Variants in TENT5D observed in about 807,000 individuals in gnomAD.
The protein encoded by TENT5D is terminal nucleotidyltransferase 5D.
For synonymous variants in TENT5D, 103 were observed against 100.6 expected, an observed-to-expected ratio of 1.02 and a Z score of -0.15; for missense variants, 191 against 287.0, an observed-to-expected ratio of 0.67 and a Z score of 2.42.
intron 2 of TENT5D, 57 bp downstream of exon 2, chrX:80,438,789 G>A (rs1318048219): frequency 9.0e-6 from 1 of 110,522 alleles, no homozygotes; most frequent in East Asian, 2.8e-4. Flanking sequence ...TATTAATATA[G>A]ACAGGTAAAG....
At chrX:80,405,092 G>A (rs1480129279) in intron 3 of TENT5D, among the ~76,000 whole-genome samples, 1 of 112,077 alleles carries the variant, frequency 8.9e-6, no homozygotes, top group Non-Finnish European at 1.9e-5. Context: ...AACTGAAAAT[G>A]AGTTGAAGGA....
chrX:80,376,300 T>A (rs1322222149), intron 3 of TENT5D, among the ~76,000 whole-genome samples: 3 of 111,893 alleles, frequency 2.7e-5, no homozygotes, highest in African/African-American at 9.7e-5. Context: ...ATTTCTGTTT[T>A]CTATCATAAT....
intron 3 of TENT5D, among the ~76,000 whole-genome samples, chrX:80,410,870 T>G (rs1461833923): frequency 9.5e-6 from 1 of 105,623 alleles, no homozygotes; most frequent in Non-Finnish European, 1.9e-5. Context: ...ATAGACTGGA[T>G]TAAGAAAATG....
chrX:80,352,354 C>T (rs1372693941), intron 3 of TENT5D, among the ~76,000 whole-genome samples: 1 of 111,757 alleles, frequency 8.9e-6, no homozygotes, highest in African/African-American at 3.2e-5. Context: ...TTCAGAGATG[C>T]CCTGCCCAGT....
At chrX:80,442,477 T>G in intron 2 of TENT5D, 45 bp from the exon 3 acceptor site, 1 of 966,466 alleles carries the variant, frequency 1.0e-6, no homozygotes, top group Non-Finnish European at 1.4e-6. Context: ...GCATTGGTTT[T>G]AAGGTGCTAA....
At chrX:80,434,773 TTTTTTTCTTTG>T (rs1190894781) in intron 1 of TENT5D, among the ~76,000 whole-genome samples, 2 of 107,092 alleles carry the variant, frequency 1.9e-5, no homozygotes, top group East Asian at 5.9e-4. Flanking sequence ...TGAAACTTCG[TTTTTTTCTTTG>T]TTTTTTTTTT....
At chrX:80,362,891 A>G (rs1403183107) in intron 3 of TENT5D, among the ~76,000 whole-genome samples, 3 of 112,183 alleles carry the variant, frequency 2.7e-5, no homozygotes, top group Non-Finnish European at 5.6e-5. Flanking sequence ...TCAGAAAAAA[A>G]AAGTGTTTCT....
intron 3 of TENT5D, among the ~76,000 whole-genome samples, chrX:80,350,131 G>T (rs1602499875): frequency 9.0e-6 from 1 of 111,569 alleles, no homozygotes; most frequent in Middle Eastern, 4.6e-3. Flanking sequence ...CTGTTGATTT[G>T]GGGTGGAGAG....
intron 3 of TENT5D, among the ~76,000 whole-genome samples, chrX:80,373,138 CAT>C (rs1200055589): frequency 1.8e-5 from 2 of 110,730 alleles, no homozygotes; most frequent in East Asian, 2.8e-4. Flanking sequence ...AGTATCCTGT[CAT>C]GTGTATATGT....
intron 3 of TENT5D, among the ~76,000 whole-genome samples, chrX:80,392,123 A>T (rs958880541): frequency 4.5e-5 from 5 of 112,176 alleles, no homozygotes; most frequent in Non-Finnish European, 9.4e-5. Context: ...GCCTCAAATG[A>T]TAGCTAGAAT....
intron 2 of TENT5D, among the ~76,000 whole-genome samples, chrX:80,338,477 T>C (rs1929895603): frequency 8.9e-6 from 1 of 112,396 alleles, no homozygotes; most frequent in African/African-American, 3.2e-5. Context: ...TGTGGAAAAT[T>C]GTAATTCCTC....
chrX:80,356,256 G>A (rs746604039), intron 3 of TENT5D, among the ~76,000 whole-genome samples: 4 of 111,969 alleles, frequency 3.6e-5, no homozygotes, highest in Admixed American at 2.8e-4. Context: ...AAAAATGTCT[G>A]TTAAAATCAT....
At chrX:80,443,099 A>G (rs746631425) in exon 3 of TENT5D, 4 of 1,211,145 alleles carry the variant, frequency 3.3e-6, no homozygotes, top group Non-Finnish European at 4.5e-6. Flanking sequence ...TTAGACTTCT[A>G]CAGTGACAAA....
At chrX:80,399,922 C>T (rs1321033258) in intron 3 of TENT5D, among the ~76,000 whole-genome samples, 2 of 111,855 alleles carry the variant, frequency 1.8e-5, no homozygotes, top group African/African-American at 3.3e-5. Flanking sequence ...TGTATTAGGG[C>T]TCTCCAGAGA....
intron 3 of TENT5D, among the ~76,000 whole-genome samples, chrX:80,347,982 T>C (rs777807382): frequency 9.0e-6 from 1 of 111,631 alleles, no homozygotes; most frequent in Non-Finnish European, 1.9e-5. Context: ...AACATGGTTG[T>C]AGATGTGTGG....
chrX:80,400,976 G>A (rs1301507932), intron 3 of TENT5D, among the ~76,000 whole-genome samples: 1 of 111,610 alleles, frequency 9.0e-6, no homozygotes, highest in Non-Finnish European at 1.9e-5. Flanking sequence ...TTTTTATAGT[G>A]ATTGCATTGA....
chrX:80,407,344 T>C (rs1298320718), intron 3 of TENT5D, among the ~76,000 whole-genome samples: 4 of 110,733 alleles, frequency 3.6e-5, no homozygotes, highest in African/African-American at 1.3e-4. Flanking sequence ...GTGTGCTGTA[T>C]TCAGGAAACC....
chrX:80,366,133 A>G (rs969308163), intron 3 of TENT5D, among the ~76,000 whole-genome samples: 2 of 109,839 alleles, frequency 1.8e-5, no homozygotes, highest in African/African-American at 6.6e-5. Context: ...GACAGTATTG[A>G]CAGTGTCATT....
At chrX:80,356,227 T>A (rs1190288000) in intron 3 of TENT5D, among the ~76,000 whole-genome samples, 1 of 112,213 alleles carries the variant, frequency 8.9e-6, no homozygotes, top group East Asian at 2.8e-4. Context: ...GAGAAACTCC[T>A]AGTTTATTTA....
Sources: allele counts gnomAD v4.1 joint callset (sites outside exome capture counted in the v4.1 genomes callset), GRCh38; gene constraint gnomAD v4.1.1; transcripts MANE v1.5; gene names NCBI Gene and HGNC (gene_info 2026-07-23, HGNC 2026-07-21).